KIT: variants seen among roughly 807,000 people sequenced by gnomAD.
KIT encodes the protein KIT proto-oncogene, receptor tyrosine kinase, also known as mast/stem cell growth factor receptor Kit.
A neutral mutation model predicts 105.7 loss-of-function variants in KIT; 16 were observed. That is an observed-to-expected ratio of 0.15 (90% CI 0.10 to 0.23). The LOEUF (loss-of-function observed/expected upper bound fraction) is 0.23, where lower values mean the gene tolerates loss of function less well. Ranked by LOEUF, KIT falls within the 10% of genes least tolerant of loss-of-function variation. KIT has a pLI of 1.00. For missense variants in KIT, 858 were observed against 1,213.8 expected, an observed-to-expected ratio of 0.71 and a Z score of 4.36; for synonymous variants, 438 against 441.1, an observed-to-expected ratio of 0.99 and a Z score of 0.09.
At chr4:54,677,944 G>A (rs1487014689) in intron 1 of KIT, among the ~76,000 whole-genome samples, 1 of 152,166 alleles carries the variant, frequency 6.6e-6, no homozygotes, top group Non-Finnish European at 1.5e-5. Flanking sequence ...GTGCTTAATG[G>A]GAATGTTGCT....
chr4:54,713,022 C>T (rs1721255601), intron 7 of KIT, among the ~76,000 whole-genome samples: 1 of 151,886 alleles, frequency 6.6e-6, no homozygotes, highest in African/African-American at 2.4e-5. Flanking sequence ...TGAGGTACGT[C>T]CCAGTTGCTC....
At position 54,740,109 on chromosome 4, in the gene KIT, T is replaced by G. The variant is rs1471712166; in HGVS notation, c.*1552T>G. 1 of 233,564 alleles carries G rather than the reference T, an allele frequency of 4.3e-6. No homozygotes were observed. The highest frequency in any genetic ancestry group is 8.5e-6 in the Non-Finnish European group (1 of 118,018). The allele number at this position is 233,564 out of a possible 1,614,324, so 14.5% of individuals were successfully genotyped here. A position where few individuals can be genotyped will look rare whatever the true frequency, so the allele number is the denominator to read the frequency against. ...TGTACATGGCAGAGTTTGTGTGTTGTCTTGAAAGATTCAGGTATGTTGCCT... is the reference window on the plus strand; with the variant it reads ...TGTACATGGCAGAGTTTGTGTGTTGGCTTGAAAGATTCAGGTATGTTGCCT... On this transcript the variant is annotated 3_prime_UTR_variant, in exon 21 of 21. Coordinates refer to ENST00000288135, the MANE Select transcript of KIT (RefSeq NM_000222.3).
chr4:54,677,772 A>G (rs1718588025), intron 1 of KIT, among the ~76,000 whole-genome samples: 1 of 152,244 alleles, frequency 6.6e-6, no homozygotes. Context: ...TTCAGAAGCA[A>G]CAGCTGTGCA....
chr4:54,688,105 G>C (rs1192656321), intron 1 of KIT, among the ~76,000 whole-genome samples: 1 of 152,112 alleles, frequency 6.6e-6, no homozygotes. Context: ...TGCTGGGCAA[G>C]AGTGTTTTGA....
At chr4:54,711,414 C>G (rs1471883304) in intron 7 of KIT, among the ~76,000 whole-genome samples, 1 of 152,126 alleles carries the variant, frequency 6.6e-6, no homozygotes, top group Non-Finnish European at 1.5e-5. Flanking sequence ...TATTACTGGC[C>G]TTCCCAGAAT....
At chr4:54,662,995 A>G (rs6836596) in intron 1 of KIT, among the ~76,000 whole-genome samples, 34,745 of 143,654 alleles carry the variant, frequency 0.24, 4,483 homozygotes, top group African/African-American at 0.38. Flanking sequence ...TCCAGGGGGG[A>G]AAAAAAAAAA....
chr4:54,658,180 C>A, intron 1 of KIT, 99 bp downstream of exon 1: 3 of 1,239,170 alleles, frequency 2.4e-6, no homozygotes, highest in Non-Finnish European at 3.5e-6. Flanking sequence ...GAGAGGACTG[C>A]GGGCCCTCAG....
intron 17 of KIT, among the ~76,000 whole-genome samples, chr4:54,735,627 G>A (rs1329836785): frequency 6.6e-6 from 1 of 152,130 alleles, no homozygotes; most frequent in Non-Finnish European, 1.5e-5. Context: ...GCGGTGCTAA[G>A]CATTTTTACC....
chr4:54,726,685 T>C (rs970273120), intron 9 of KIT, among the ~76,000 whole-genome samples: 4 of 152,116 alleles, frequency 2.6e-5, no homozygotes, highest in African/African-American at 7.2e-5. Flanking sequence ...CAAAGACTAG[T>C]GCCAAAAAGT....
chr4:54,666,252 A>G (rs917098359), intron 1 of KIT, among the ~76,000 whole-genome samples: 28 of 152,036 alleles, frequency 1.8e-4, no homozygotes, highest in African/African-American at 6.0e-4. Context: ...AGGAAATTGA[A>G]AATTTTTTTG....
chr4:54,698,733 C>T (rs192842683), intron 3 of KIT, among the ~76,000 whole-genome samples, 168 bp downstream of exon 3: 6 of 152,316 alleles, frequency 3.9e-5, no homozygotes, highest in Admixed American at 3.3e-4. Flanking sequence ...ATTTCATGGT[C>T]CTGACCCCGT....
rs143741760 is a variant in KIT, at chr4:54,659,843, A to G, written c.67+1762A>G. Among the ~76,000 whole-genome samples the G allele has an allele frequency of 6.8e-3, 1,034 of 152,182 alleles. 14 individuals are homozygous for G. The highest frequency in any genetic ancestry group is 0.024 in the African/African-American group (979 of 41,496). On this transcript the variant is annotated intron_variant, in intron 1 of 20. Transcript: ENST00000288135. The stretch of plus-strand genomic sequence containing the variant: ...AGAATCAATGGTTTTCTTCTCCCCA[A>G]TAGATTTTTGGCAAAGGGAATTTTA...
chr4:54,688,151 C>T (rs1371134117), intron 1 of KIT, among the ~76,000 whole-genome samples: 2 of 152,134 alleles, frequency 1.3e-5, no homozygotes, highest in African/African-American at 2.4e-5. Context: ...CATACTCCCC[C>T]TCCCCCATCT....
chr4:54,713,088 T>C (rs964624109), intron 7 of KIT, among the ~76,000 whole-genome samples: 1 of 152,144 alleles, frequency 6.6e-6, no homozygotes, highest in African/African-American at 2.4e-5. Flanking sequence ...AAAAATCTAG[T>C]TAACATTATT....
At chr4:54,698,092 A>C (rs1229426364) in intron 2 of KIT, among the ~76,000 whole-genome samples, 192 bp from the exon 3 acceptor site, 1 of 152,204 alleles carries the variant, frequency 6.6e-6, no homozygotes, top group Non-Finnish European at 1.5e-5. Flanking sequence ...TTAGTGCGTG[A>C]TACATGGAAA....
At chr4:54,729,530 A>C (rs750830110) in intron 14 of KIT, 45 bp downstream of exon 14, 3 of 1,595,904 alleles carry the variant, frequency 1.9e-6, no homozygotes, top group Non-Finnish European at 2.6e-6. Context: ...CAGGCAGTTC[A>C]TGGGGTCATA....
rs534209826 is a variant in KIT at position 54,728,082 on chromosome 4, A to T, written c.1951A>T (p.Met651Leu). 22 of 1,614,006 alleles carry T rather than the reference A, an allele frequency of 1.4e-5. No homozygotes were observed. The East Asian group carries it at 4.9e-4, about 36-fold the overall frequency. ...LKVLSYLGNH[M>L]NIVNLLGACT... is the part of the protein sequence containing the mutation. ...AGTCCTGAGTTACCTTGGTAATCAC[A>T]TGAATATTGTGAATCTACTTGGAGC... is the stretch of plus-strand genomic sequence containing the variant. The change falls in exon 13 of 21, where the codon ATG (methionine) becomes TTG (leucine). Residue 651 changes from methionine to leucine, a missense_variant. By Grantham distance (15) the Met-to-Leu change is conservative (BLOSUM62 2). This residue lies in a region of KIT where 158 missense variants were observed against 218.7 expected (regional missense o/e 0.72). Coordinates refer to ENST00000288135, the MANE Select transcript of KIT (RefSeq NM_000222.3).
intron 17 of KIT, 40 bp downstream of exon 17, chr4:54,733,232 T>C: frequency 1.2e-6 from 2 of 1,604,304 alleles, no homozygotes; most frequent in Non-Finnish European, 8.5e-7. Context: ...TGCAAAGGAT[T>C]TTTAGTTTCA....
chr4:54,664,365 A>G (rs1301056856), intron 1 of KIT, among the ~76,000 whole-genome samples: 3 of 152,072 alleles, frequency 2.0e-5, no homozygotes, highest in African/African-American at 7.2e-5. Flanking sequence ...TAGGTTATGA[A>G]GAATGCTTTG....
Sources: gnomAD v4.1 joint callset for allele counts (sites outside exome capture counted in the v4.1 genomes callset) on GRCh38, gnomAD v4.1.1 for gene constraint, gnomAD v4.1.1 regional missense constraint, MANE v1.5 for transcripts, NCBI Gene and HGNC (gene_info 2026-07-23, HGNC 2026-07-21) for gene names.